The following MAMDC2 variants were observed in gnomAD, a reference collection of about 807,000 sequenced individuals.
The protein encoded by MAMDC2 is MAM domain-containing protein 2.
In MAMDC2, 57 loss-of-function variants were observed where a neutral mutation model predicts 89.8. The ratio of observed to expected loss-of-function variants is 0.63; its 90% CI spans 0.51 to 0.79. MAMDC2 has a LOEUF of 0.79. Ranked by LOEUF, MAMDC2 falls within the 30% of genes least tolerant of loss-of-function variation. The pLI, the probability that MAMDC2 is intolerant of heterozygous loss-of-function variation, is 0.00. For synonymous variants in MAMDC2, 313 were observed against 293.4 expected (o/e 1.07, Z -0.68); for missense variants, 800 against 820.6 (o/e 0.97, Z 0.31).
At chr9:70,123,736 C>T (rs1262482140) in intron 5 of MAMDC2, among the ~76,000 whole-genome samples, 1 of 152,046 alleles carries the variant, frequency 6.6e-6, no homozygotes, top group African/African-American at 2.4e-5. Flanking sequence ...GAACTTTGGG[C>T]ACAGAGAGAA....
At chr9:70,199,939 T>C (rs1348290918) in intron 11 of MAMDC2, among the ~76,000 whole-genome samples, 1 of 152,318 alleles carries the variant, frequency 6.6e-6, no homozygotes, top group East Asian at 1.9e-4. Context: ...TCATTGTAGA[T>C]TCTGGATATT....
At chr9:70,186,798 G>A (rs1457772940) in intron 11 of MAMDC2, among the ~76,000 whole-genome samples, 1 of 152,190 alleles carries the variant, frequency 6.6e-6, no homozygotes, top group Non-Finnish European at 1.5e-5. Flanking sequence ...GAAGGCAAAC[G>A]CAGAGCAGGC....
chr9:70,046,256 C>T (rs140237767), intron 2 of MAMDC2, among the ~76,000 whole-genome samples: 2,223 of 152,304 alleles, frequency 0.015, 21 homozygotes, highest in Admixed American at 0.022. Flanking sequence ...ATGCTGGTCT[C>T]GGGACTACAC....
intron 2 of MAMDC2, among the ~76,000 whole-genome samples, chr9:70,078,203 A>T (rs1827578167): frequency 6.6e-6 from 1 of 152,208 alleles, no homozygotes; most frequent in African/African-American, 2.4e-5. Context: ...CTGTAAGAGC[A>T]CACACCATTT....
chr9:70,089,596 A>G (rs1462436816), intron 2 of MAMDC2, among the ~76,000 whole-genome samples: 1 of 152,086 alleles, frequency 6.6e-6, no homozygotes, highest in Non-Finnish European at 1.5e-5. Flanking sequence ...CTCTGGGTGG[A>G]GAGGGGAAGA....
At position 70,208,671 on chromosome 9, in the gene MAMDC2, C is replaced by T. The variant is rs185066342; in HGVS notation, c.1652-9666C>T. On this transcript the variant is annotated intron_variant, in intron 11 of 13. Coordinates refer to ENST00000377182, the MANE Select transcript of MAMDC2 (RefSeq NM_153267.5). The stretch of plus-strand genomic sequence containing the variant: ...CCTGGCCAGAACTTCCAACACTATG[C>T]TGAATAGGAGTGGTGAGAGAGGGCA... Among the ~76,000 whole-genome samples, 9 of 152,222 alleles carry T rather than the reference C, an allele frequency of 5.9e-5. No homozygotes were observed. The East Asian group carries it at 1.5e-3, about 26-fold the overall frequency.
Position 70,043,940 on chromosome 9 carries a change from G to C in MAMDC2, c.-258G>C. The C allele has an allele frequency of 3.4e-6, 2 of 583,988 alleles. No individual in the cohort carries two copies. Among genetic ancestry groups the C allele is most frequent in the South Asian group, 4.1e-5 (2 of 48,268 alleles). The allele number at this position is 583,988 out of a possible 1,614,324, so 36.2% of individuals were successfully genotyped here. On this transcript the variant is annotated 5_prime_UTR_variant, in exon 1 of 14. Coordinates refer to ENST00000377182, the MANE Select transcript of MAMDC2 (RefSeq NM_153267.5). Reference sequence around the variant, plus strand: ...CCCCATCGTCGCCCAGGACCAGCTGGGCCGCGGTCTGACCTGAGGCTGCTG... The same window carrying C: ...CCCCATCGTCGCCCAGGACCAGCTGCGCCGCGGTCTGACCTGAGGCTGCTG...
intron 2 of MAMDC2, among the ~76,000 whole-genome samples, chr9:70,078,069 A>G (rs370590806): frequency 6.6e-6 from 1 of 151,974 alleles, no homozygotes; most frequent in African/African-American, 2.4e-5. Context: ...ATTCCTACTT[A>G]TAATTTTTAT....
At chr9:70,218,131 A>C (rs1767940036) in intron 11 of MAMDC2, among the ~76,000 whole-genome samples, 1 of 152,266 alleles carries the variant, frequency 6.6e-6, no homozygotes, top group African/African-American at 2.4e-5. Flanking sequence ...ATTATAAATC[A>C]TTAAATTTAA....
chr9:70,101,395 T>C (rs940629183), intron 2 of MAMDC2, among the ~76,000 whole-genome samples: 1 of 152,192 alleles, frequency 6.6e-6, no homozygotes, highest in Admixed American at 6.5e-5. Flanking sequence ...AGCCTAAGTA[T>C]ACAGTGTTTG....
chr9:70,070,809 T>G (rs1784309635), intron 2 of MAMDC2, among the ~76,000 whole-genome samples: 1 of 152,170 alleles, frequency 6.6e-6, no homozygotes, highest in Admixed American at 6.6e-5. Flanking sequence ...CTACATATAT[T>G]CTATAGCAGA....
chr9:70,116,805 G>T (rs2030017286), intron 5 of MAMDC2, among the ~76,000 whole-genome samples: 1 of 152,076 alleles, frequency 6.6e-6, no homozygotes. Flanking sequence ...ATAGTGGTGT[G>T]GTCATCCTTG....
intron 9 of MAMDC2, among the ~76,000 whole-genome samples, chr9:70,154,878 C>G (rs1188952000): frequency 2.0e-5 from 3 of 152,078 alleles, no homozygotes; most frequent in Non-Finnish European, 2.9e-5. Flanking sequence ...TTTGAAACAG[C>G]TTCCCATTCT....
intron 9 of MAMDC2, among the ~76,000 whole-genome samples, chr9:70,145,429 C>T (rs1167254339): frequency 6.6e-6 from 1 of 152,204 alleles, no homozygotes; most frequent in African/African-American, 2.4e-5. Flanking sequence ...CATTATTGAA[C>T]TTTCCTCTTC....
At chr9:70,139,478 C>T (rs1307286926) in intron 7 of MAMDC2, among the ~76,000 whole-genome samples, 1 of 151,418 alleles carries the variant, frequency 6.6e-6, no homozygotes, top group Non-Finnish European at 1.5e-5. Context: ...GCATAGTATT[C>T]CATGGTGTAT....
chr9:70,076,237 A>G (rs1827529183), intron 2 of MAMDC2, among the ~76,000 whole-genome samples: 3 of 152,200 alleles, frequency 2.0e-5, no homozygotes, highest in Non-Finnish European at 4.4e-5. Context: ...ACTAGCCAAC[A>G]TAGCAAAACC....
chr9:70,195,587 G>A (rs1269559822), intron 11 of MAMDC2, among the ~76,000 whole-genome samples: 3 of 151,932 alleles, frequency 2.0e-5, no homozygotes, highest in Non-Finnish European at 2.9e-5. Flanking sequence ...CACACTGTCC[G>A]GCCCCATCCT....
intron 2 of MAMDC2, among the ~76,000 whole-genome samples, chr9:70,075,868 A>G (rs1211556209): frequency 1.3e-5 from 2 of 152,250 alleles, no homozygotes; most frequent in Non-Finnish European, 2.9e-5. Flanking sequence ...GTCTGGAAGA[A>G]TGCAGGCAAT....
intron 4 of MAMDC2, among the ~76,000 whole-genome samples, chr9:70,110,523 A>G (rs1336816359): frequency 3.9e-5 from 6 of 152,310 alleles, no homozygotes; most frequent in African/African-American, 1.4e-4. Context: ...AGGGTTCTCC[A>G]TGGCCAGACC....
Sources: gnomAD v4.1 joint callset for allele counts (sites outside exome capture counted in the v4.1 genomes callset) on GRCh38, gnomAD v4.1.1 for gene constraint, MANE v1.5 for transcripts, NCBI Gene and HGNC (gene_info 2026-07-23, HGNC 2026-07-21) for gene names.